Variants in MX2 observed in about 807,000 individuals in gnomAD.
MX2 encodes interferon-induced GTP-binding protein Mx2.
In MX2, 51 loss-of-function variants were observed where a neutral mutation model predicts 74.0. The ratio of observed to expected loss-of-function variants is 0.69; its 90% CI spans 0.55 to 0.87. The LOEUF (loss-of-function observed/expected upper bound fraction) is 0.87, where lower values mean the gene tolerates loss of function less well. Ranked by LOEUF, MX2 falls within the 40% of genes least tolerant of loss-of-function variation. The probability of loss-of-function intolerance (pLI) is 0.00; values close to 1 mark genes in which losing one functional copy is unlikely to be tolerated. For missense variants in MX2, 832 were observed against 908.7 expected (o/e 0.92, Z 1.09); for synonymous variants, 369 against 339.3 (o/e 1.09, Z -0.96).
At chr21:41,394,116 C>A (rs1236200374) in intron 6 of MX2, among the ~76,000 whole-genome samples, 1 of 152,236 alleles carries the variant, frequency 6.6e-6, no homozygotes, top group Non-Finnish European at 1.5e-5. Flanking sequence ...TTGCCCATGG[C>A]AGTGCCCTCT....
rs780412314 is a variant in MX2 at position 41,388,374 on chromosome 21, G to T, written c.733-2191G>T. Among the ~76,000 whole-genome samples, 13 of 152,160 alleles carry T rather than the reference G, an allele frequency of 8.5e-5. No homozygotes were observed. Among genetic ancestry groups the T allele is most frequent in the African/African-American group, 3.1e-4 (13 of 41,446 alleles). On this transcript the variant is annotated intron_variant, in intron 5 of 13. Transcript: ENST00000330714. The surrounding 1 kb of genome is among the most constrained non-coding windows in gnomAD (Gnocchi z 4.0). ...GGCTCACTTTTGCCTGGACTCTTGC[G>T]TGTGCATGCACGCTTCCCACTGCCC...
Position 41,368,917 on chromosome 21 carries a change from T to C in MX2, c.-72+6862T>C, listed in dbSNP as rs1169431011. On this transcript the variant is annotated intron_variant, in intron 1 of 13. Transcript: ENST00000330714. This position sits in a 1 kb window ranked among gnomAD's most constrained non-coding sequence, Gnocchi z 4.6. ...CCAGGCTCCCTCCCAGACAGATGGG[T>C]GGAGTGAGGCCACCTGAGATCTCAC... Among the ~76,000 whole-genome samples, 1 of 151,854 alleles carries C rather than the reference T, an allele frequency of 6.6e-6. No individual in the cohort carries two copies. Among genetic ancestry groups the C allele is most frequent in the Admixed American group, 6.6e-5 (1 of 15,256 alleles).
intron 6 of MX2, among the ~76,000 whole-genome samples, chr21:41,394,938 A>G (rs1013748709): frequency 3.4e-5 from 5 of 148,374 alleles, no homozygotes; most frequent in Admixed American, 6.7e-5. Flanking sequence ...TCAAAAAAGA[A>G]AGAGAGAGAG....
intron 5 of MX2, among the ~76,000 whole-genome samples, chr21:41,382,904 A>G (rs1345332253): frequency 6.6e-6 from 1 of 152,234 alleles, no homozygotes; most frequent in East Asian, 1.9e-4. Flanking sequence ...AAATCTGTCC[A>G]TTTTGGCAAT....
At chr21:41,371,111 T>C (rs1291912853) in intron 1 of MX2, among the ~76,000 whole-genome samples, 1 of 152,210 alleles carries the variant, frequency 6.6e-6, no homozygotes, top group African/African-American at 2.4e-5. Flanking sequence ...AGAATAGCCA[T>C]GAGTATAATG....
intron 5 of MX2, among the ~76,000 whole-genome samples, chr21:41,383,015 C>T (rs1235890181): frequency 6.6e-6 from 1 of 152,198 alleles, no homozygotes; most frequent in Non-Finnish European, 1.5e-5. Flanking sequence ...GCAATAAGGA[C>T]ACACATCAGC....
chr21:41,369,135 C>T (rs895846721), intron 1 of MX2, among the ~76,000 whole-genome samples: 1 of 152,218 alleles, frequency 6.6e-6, no homozygotes, highest in African/African-American at 2.4e-5. Flanking sequence ...AAACGTTTTA[C>T]GAACCCAGGG....
At chr21:41,400,672 A>C (rs191474834) in intron 10 of MX2, among the ~76,000 whole-genome samples, 1 of 151,680 alleles carries the variant, frequency 6.6e-6, no homozygotes, top group African/African-American at 2.4e-5. Context: ...CCAAGGTGGC[A>C]GGAGAAAGAG....
intron 6 of MX2, among the ~76,000 whole-genome samples, chr21:41,394,872 C>T (rs150729142): frequency 0.013 from 1,897 of 150,686 alleles, 41 homozygotes; most frequent in African/African-American, 0.043. Flanking sequence ...ACCGGGGAGG[C>T]GGAGGTTGAA....
intron 3 of MX2, among the ~76,000 whole-genome samples, chr21:41,379,015 G>C (rs1180890670): frequency 6.6e-6 from 1 of 152,208 alleles, no homozygotes; most frequent in Non-Finnish European, 1.5e-5. Context: ...ACCCTGCACA[G>C]CCCCCTGCAA....
chr21:41,392,429 G>T (rs566906617), intron 6 of MX2, among the ~76,000 whole-genome samples: 1 of 152,210 alleles, frequency 6.6e-6, no homozygotes, highest in African/African-American at 2.4e-5. Flanking sequence ...CTAACACTGG[G>T]TGATTCTACC....
At chr21:41,379,658 A>C (rs1335077013) in intron 3 of MX2, among the ~76,000 whole-genome samples, 1 of 152,152 alleles carries the variant, frequency 6.6e-6, no homozygotes, top group Non-Finnish European at 1.5e-5. Context: ...AGCTGCAGAA[A>C]GACGGGGAGC....
At position 41,398,866 on chromosome 21, in the gene MX2, C is replaced by T. The variant is rs1445723603; in HGVS notation, c.1150-31C>T. ...ATCAGTTGGCCAATCTCTTAAGCCGCAGTTTGATTGTTTGCAATTGTTTTG... is the reference window on the plus strand; with the variant it reads ...ATCAGTTGGCCAATCTCTTAAGCCGTAGTTTGATTGTTTGCAATTGTTTTG... On this transcript the variant is annotated intron_variant, in intron 8 of 13. Coordinates refer to ENST00000330714, the MANE Select transcript of MX2 (RefSeq NM_002463.2). 2.5e-6 allele frequency: 4 copies of T among 1,602,742 alleles called. No individual in the cohort carries two copies. The African/African-American group carries it at 4.0e-5, about 16-fold the overall frequency.
chr21:41,404,551 A>T (rs1448861333), intron 12 of MX2: 1 of 152,282 alleles, frequency 6.6e-6, no homozygotes, highest in East Asian at 1.9e-4. Flanking sequence ...TTCAGTATTT[A>T]AAAAGGAAAG....
rs550066754 is a variant in MX2 at position 41,406,980 on chromosome 21, C to A, written c.1887C>A (p.His629Gln). The change falls in exon 13 of 14, where the codon CAC (histidine) becomes CAA (glutamine). Residue 629 changes from histidine (H) to glutamine (Q), a missense_variant. Transcript: ENST00000330714. The stretch of plus-strand genomic sequence containing the variant: ...CCTCCTTTACTGAAATAGGCATCCA[C>A]CTGAATGCCTACTTCTTGGTGAGTT... Reference protein sequence around the residue: ...SVSSFTEIGIHLNAYFLETSK... With the variant: ...SVSSFTEIGIQLNAYFLETSK... 6.2e-7 allele frequency: 1 copy of A among 1,612,362 alleles called. No homozygotes were observed. Among genetic ancestry groups the A allele is most frequent in the Non-Finnish European group, 8.5e-7 (1 of 1,178,442 alleles).
At chr21:41,398,063 A>G (rs1353252623) in intron 8 of MX2, among the ~76,000 whole-genome samples, 7 of 152,028 alleles carry the variant, frequency 4.6e-5, no homozygotes, top group African/African-American at 1.7e-4. Context: ...TAATCCCAGC[A>G]CTTTGGGAGG....
Position 41,368,176 on chromosome 21 carries a change from C to T in MX2, c.-72+6121C>T, listed in dbSNP as rs1438361980. Among the ~76,000 whole-genome samples the T allele has an allele frequency of 6.6e-6, 1 of 152,206 alleles. No homozygotes were observed. The highest frequency in any genetic ancestry group is 1.5e-5 in the Non-Finnish European group (1 of 68,046). ...GCCTGCACCCCTAAGCCTCTTAAGCCCCCCACTTTCATTCCCTCCTGCCTC... is the reference window on the plus strand; with the variant it reads ...GCCTGCACCCCTAAGCCTCTTAAGCTCCCCACTTTCATTCCCTCCTGCCTC... On this transcript the variant is annotated intron_variant, in intron 1 of 13. Transcript: ENST00000330714. This position sits in a 1 kb window ranked among gnomAD's most constrained non-coding sequence, Gnocchi z 4.6.
At position 41,395,578 on chromosome 21, in the gene MX2, A is replaced by G. The variant is rs1161840374; in HGVS notation, c.872-9A>G. The G allele has an allele frequency of 2.5e-6, 4 of 1,613,710 alleles. No individual in the cohort carries two copies. Among genetic ancestry groups the G allele is most frequent in the East Asian group, 2.2e-5 (1 of 44,876 alleles). On this transcript the variant is annotated splice_polypyrimidine_tract_variant and intron_variant, in intron 6 of 13. Transcript: ENST00000330714. The stretch of plus-strand genomic sequence containing the variant: ...ACCTTTCCATTTCCCTTCTTTAACC[A>G]TCTCACAGGTATCCTGACCAAACCA...
chr21:41,387,418 G>A (rs542278308), intron 5 of MX2, among the ~76,000 whole-genome samples: 4 of 152,204 alleles, frequency 2.6e-5, no homozygotes, highest in Admixed American at 1.3e-4. Flanking sequence ...CCACTTTCCC[G>A]GCAACAAGTG....
Sources: allele counts gnomAD v4.1 joint callset (sites outside exome capture counted in the v4.1 genomes callset), GRCh38; gene constraint gnomAD v4.1.1; non-coding constraint Gnocchi (gnomAD v3.1); transcripts MANE v1.5; gene names NCBI Gene and HGNC (gene_info 2026-07-23, HGNC 2026-07-21).